The following PDGFRB variants were observed in gnomAD, a reference collection of about 807,000 sequenced individuals.
PDGFRB encodes the protein platelet derived growth factor receptor beta, also known as platelet-derived growth factor receptor beta.
In PDGFRB, 42 loss-of-function variants were observed where a neutral mutation model predicts 120.2. The ratio of observed to expected loss-of-function variants is 0.35; its 90% CI spans 0.27 to 0.45. PDGFRB has a LOEUF of 0.45. Among genes scored for constraint, PDGFRB ranks in the 20% least tolerant of loss-of-function variants. The probability of loss-of-function intolerance (pLI) is 1.00; values close to 1 mark genes in which losing one functional copy is unlikely to be tolerated. For missense variants in PDGFRB, 1,149 were observed against 1,476.3 expected (o/e 0.78, Z 3.63); for synonymous variants, 586 against 606.8 (o/e 0.97, Z 0.50).
At chr5:150,143,262 A>C (rs1760830014) in intron 1 of PDGFRB, among the ~76,000 whole-genome samples, 2 of 152,254 alleles carry the variant, frequency 1.3e-5, no homozygotes, top group African/African-American at 4.8e-5. Context: ...GGGTAACTGA[A>C]ACTTCAGAAA....
chr5:150,152,352 T>C (rs1381417039), intron 1 of PDGFRB, among the ~76,000 whole-genome samples: 3 of 151,884 alleles, frequency 2.0e-5, no homozygotes, highest in Non-Finnish European at 4.4e-5. Context: ...TAAGAACGAG[T>C]TGGTTCCTGT....
chr5:150,134,793 G>C lies in PDGFRB; in HGVS notation c.588C>G (p.Asp196Glu), dbSNP rs758095904. The C allele has an allele frequency of 6.2e-7, 1 of 1,614,146 alleles. No individual in the cohort carries two copies. The highest frequency in any genetic ancestry group is 1.3e-5 in the African/African-American group (1 of 75,050). The change falls in exon 4 of 23, where the codon GAC (aspartate) becomes GAG (glutamate). Residue 196 changes from aspartate to glutamate, a missense_variant. By Grantham distance (45) the Asp-to-Glu change is conservative (BLOSUM62 2). Around this residue, in one of 3 missense-constraint regions of PDGFRB, gnomAD observed 879 missense variants for 1,108.6 expected, o/e 0.79. Transcript: ENST00000261799. Reference protein sequence around the residue: ...RSYICKTTIGDREVDSDAYYV... With the variant: ...RSYICKTTIGEREVDSDAYYV... ...AGTAGGCATCAGAATCCACCTCCCT[G>C]TCCCCAATGGTGGTTTTGCAGATGT...
At position 150,115,687 on chromosome 5, in the gene PDGFRB, CGGTCA is replaced by C. The variant is rs1759904801; in HGVS notation, c.*71_*75del. The stretch of plus-strand genomic sequence containing the variant: ...AGGGCAGCCTGGCTGACAGGAAGCC[CGGTCA>C]GGCCAGGCCAGGAGATGCTGGGTGC... On this transcript the variant is annotated 3_prime_UTR_variant, in exon 23 of 23. Transcript: ENST00000261799. The C allele has an allele frequency of 1.4e-6, 2 of 1,387,408 alleles. No individual in the cohort carries two copies. Among genetic ancestry groups the C allele is most frequent in the Non-Finnish European group, 1.9e-6 (2 of 1,037,998 alleles). The allele number at this position is 1,387,408 out of a possible 1,614,324, so 85.9% of individuals were successfully genotyped here.
At position 150,117,674 on chromosome 5, in the gene PDGFRB, G is replaced by A. The variant is rs2113883594; in HGVS notation, c.3081C>T (p.Asp1027=). ...GDNDYIIPLP[D]PKPEVADEGP... ...CCTCGTCAGCAACCTCGGGTTTGGGGTCAGGCAGGGGGATGATATAGTCGT... is the reference window on the plus strand; with the variant it reads ...CCTCGTCAGCAACCTCGGGTTTGGGATCAGGCAGGGGGATGATATAGTCGT... The change falls in exon 22 of 23, where the codon GAC becomes GAT. Residue 1027 remains aspartate, a synonymous_variant. Coordinates refer to ENST00000261799, the MANE Select transcript of PDGFRB (RefSeq NM_002609.4). 1.9e-6 allele frequency: 3 copies of A among 1,613,904 alleles called. No homozygotes were observed. Among genetic ancestry groups the A allele is most frequent in the Non-Finnish European group, 2.5e-6 (3 of 1,179,868 alleles).
Position 150,136,427 on chromosome 5 carries a change from C to T in PDGFRB, c.41-549G>A, listed in dbSNP as rs376426323. Among the ~76,000 whole-genome samples the T allele has an allele frequency of 2.1e-4, 32 of 152,264 alleles. 1 individual carries two copies. Among genetic ancestry groups the T allele is most frequent in the East Asian group, 1.4e-3 (7 of 5,174 alleles). The stretch of plus-strand genomic sequence containing the variant: ...GTGTCAAGTGATTGGTCCCCCTCCA[C>T]GACATCCCCTGGAGAAGGATTTTTC... On this transcript the variant is annotated intron_variant, in intron 2 of 22. Coordinates refer to ENST00000261799, the MANE Select transcript of PDGFRB (RefSeq NM_002609.4).
intron 1 of PDGFRB, among the ~76,000 whole-genome samples, chr5:150,143,812 C>T (rs957782488): frequency 6.6e-6 from 1 of 152,098 alleles, no homozygotes; most frequent in Non-Finnish European, 1.5e-5. Flanking sequence ...CCTATGCTCG[C>T]TCCACTTCCA....
At chr5:150,117,544 GCACACACACACA>G (rs3836743) in intron 22 of PDGFRB, 62 bp downstream of exon 22, 169 of 516,444 alleles carry the variant, frequency 3.3e-4, no homozygotes, top group African/African-American at 2.1e-3. Context: ...GCGCGCGCGC[GCACACACACACA>G]CACACACACA....
chr5:150,151,733 A>T (rs1761082027), intron 1 of PDGFRB, among the ~76,000 whole-genome samples: 1 of 151,960 alleles, frequency 6.6e-6, no homozygotes. Flanking sequence ...GGTGGCGCAC[A>T]CGCCTGTAAT....
chr5:150,131,415 G>C (rs1353350151), intron 8 of PDGFRB, among the ~76,000 whole-genome samples: 1 of 152,122 alleles, frequency 6.6e-6, no homozygotes, highest in Non-Finnish European at 1.5e-5. Flanking sequence ...TCATGCAAAT[G>C]TCACTTCCTC....
chr5:150,152,700 C>G (rs573967310), intron 1 of PDGFRB, among the ~76,000 whole-genome samples: 1 of 151,370 alleles, frequency 6.6e-6, no homozygotes, highest in East Asian at 1.9e-4. Context: ...GGACACGGAT[C>G]TTTGGAACAT....
rs567872590 is a variant in PDGFRB at position 150,122,322 on chromosome 5, G to A, written c.2184-282C>T. 12 of 380,870 alleles carry A rather than the reference G, an allele frequency of 3.2e-5. No homozygotes were observed. In the South Asian group the frequency reaches 3.7e-4, roughly 12 times the overall value. The allele number at this position is 380,870 out of a possible 1,614,324, so 23.6% of individuals were successfully genotyped here. On this transcript the variant is annotated intron_variant, in intron 15 of 22. Coordinates refer to ENST00000261799, the MANE Select transcript of PDGFRB (RefSeq NM_002609.4). ...TCACAAGACGGGTGTGTTCAGAGGC[G>A]CCTTCCTGTGGCCTCCCCAGCGCCA... is the stretch of plus-strand genomic sequence containing the variant.
chr5:150,143,826 G>T (rs1423050893), intron 1 of PDGFRB, among the ~76,000 whole-genome samples: 2 of 151,982 alleles, frequency 1.3e-5, no homozygotes, highest in Non-Finnish European at 2.9e-5. Flanking sequence ...ACTTCCAGTT[G>T]TTGGAGAAGG....
chr5:150,123,463 T>C (rs1760205128), intron 14 of PDGFRB, among the ~76,000 whole-genome samples: 1 of 152,188 alleles, frequency 6.6e-6, no homozygotes, highest in Non-Finnish European at 1.5e-5. Context: ...ATTAATGAGA[T>C]GATGTCTTTA....
intron 3 of PDGFRB, 31 bp from the exon 4 acceptor site, chr5:150,135,047 G>C: frequency 1.6e-6 from 2 of 1,221,304 alleles, no homozygotes; most frequent in Non-Finnish European, 2.4e-6. Context: ...AATAAATCAG[G>C]GGAACTGGGT....
intron 1 of PDGFRB, among the ~76,000 whole-genome samples, chr5:150,150,916 C>G (rs1262030351): frequency 6.6e-6 from 1 of 152,110 alleles, no homozygotes; most frequent in Non-Finnish European, 1.5e-5. Flanking sequence ...CACACACAGC[C>G]CCTAGTGGGC....
At chr5:150,131,834 T>G (rs1241420303) in intron 8 of PDGFRB, 145 bp downstream of exon 8, 6 of 550,278 alleles carry the variant, frequency 1.1e-5, no homozygotes, top group Admixed American at 3.3e-5. Context: ...CACACGGCAG[T>G]GGGTCAGTGG....
At position 150,130,633 on chromosome 5, in the gene PDGFRB, T is replaced by C. The variant is rs759129025; in HGVS notation, c.1273A>G (p.Ser425Gly). The change falls in exon 9 of 23, where the codon AGC becomes GGC. Residue 425 changes from serine to glycine, a missense_variant. Ser to Gly is a moderately conservative substitution (Grantham distance 56, BLOSUM62 0). Transcript: ENST00000261799. ...VPVRVLELSESHPDSGEQTVR... is the reference protein window; with the variant it reads ...VPVRVLELSEGHPDSGEQTVR... ...GTCTGTTCCCCACTGTCAGGGTGGC[T>C]CTCACTTAGCTCCAGCACTCGGACA... 10 of 1,613,002 alleles carry C rather than the reference T, an allele frequency of 6.2e-6. No homozygotes were observed. The South Asian group carries it at 9.9e-5, about 16-fold the overall frequency.
intron 1 of PDGFRB, among the ~76,000 whole-genome samples, chr5:150,149,834 G>A (rs1333856945): frequency 6.6e-6 from 1 of 152,162 alleles, no homozygotes; most frequent in Non-Finnish European, 1.5e-5. Flanking sequence ...AGCTGGTGGT[G>A]TCACTGCCCT....
intron 4 of PDGFRB, 69 bp downstream of exon 4, chr5:150,134,681 T>G: frequency 2.8e-6 from 4 of 1,432,200 alleles, no homozygotes; most frequent in Non-Finnish European, 2.9e-6. Flanking sequence ...TTGTAAACTG[T>G]AAAGGGCTAT....
Sources: allele counts gnomAD v4.1 joint callset (sites outside exome capture counted in the v4.1 genomes callset), GRCh38; gene constraint gnomAD v4.1.1; regional missense constraint gnomAD v4.1.1; transcripts MANE v1.5; gene names NCBI Gene and HGNC (gene_info 2026-07-23, HGNC 2026-07-21).